The following AAMDC variants were observed in gnomAD, a reference collection of about 807,000 sequenced individuals.
AAMDC encodes mth938 domain-containing protein.
In AAMDC, 16 loss-of-function variants were observed where a neutral mutation model predicts 15.5. The observed-to-expected ratio is 1.03, with a 90% CI of 0.70 to 1.57. The LOEUF (loss-of-function observed/expected upper bound fraction) is 1.57, where lower values mean the gene tolerates loss of function less well. Ranked by LOEUF, AAMDC falls within the 40% of genes most tolerant of loss-of-function variation. The pLI, the probability that AAMDC is intolerant of heterozygous loss-of-function variation, is 0.00. For missense variants in AAMDC, 141 were observed against 144.9 expected, an observed-to-expected ratio of 0.97 and a Z score of 0.14; for synonymous variants, 51 against 51.6, an observed-to-expected ratio of 0.99 and a Z score of 0.05.
chr11:77,879,204 T>C, intron 5 of AAMDC: 1 of 1,510,382 alleles, frequency 6.6e-7, no homozygotes, highest in Admixed American at 1.9e-5. Context: ...GTTAAAGAAA[T>C]ATCAAAATGG....
intron 2 of AAMDC, among the ~76,000 whole-genome samples, chr11:77,854,921 C>A (rs1245822731): frequency 6.6e-6 from 1 of 152,232 alleles, no homozygotes; most frequent in Non-Finnish European, 1.5e-5. Context: ...CATACATCCT[C>A]TAAAAACTAG....
At chr11:77,896,859 G>A (rs1414140076) in intron 5 of AAMDC, among the ~76,000 whole-genome samples, 4 of 149,508 alleles carry the variant, frequency 2.7e-5, no homozygotes, top group East Asian at 1.9e-4. Flanking sequence ...AACTCCCACC[G>A]AAGATCAGCA....
intron 2 of AAMDC, chr11:77,868,799 C>T (rs1182871045): frequency 8.5e-6 from 2 of 233,994 alleles, no homozygotes; most frequent in East Asian, 1.1e-4. Context: ...CTGGGTGTAG[C>T]AGGCTGGCGC....
intron 1 of AAMDC, among the ~76,000 whole-genome samples, chr11:77,823,214 CAAAAAAAAAA>C: frequency 1.1e-5 from 1 of 92,734 alleles, no homozygotes; most frequent in East Asian, 3.0e-4. Flanking sequence ...GACTCCGTCT[CAAAAAAAAAA>C]AAAAAAAAAA....
downstream of AAMDC, chr11:77,877,114 C>T (rs1951619896): frequency 1.4e-6 from 1 of 690,546 alleles, no homozygotes; most frequent in South Asian, 1.5e-5. Context: ...CTCTTTCGCA[C>T]TCATGACCTC....
chr11:77,869,108 A>G (rs1951273962), intron 2 of AAMDC: 1 of 270,576 alleles, frequency 3.7e-6, no homozygotes, highest in Non-Finnish European at 7.2e-6. Flanking sequence ...CACATGTACC[A>G]TGTGGCCAAA....
At chr11:77,857,792 G>A (rs981985341) in intron 2 of AAMDC, among the ~76,000 whole-genome samples, 11 of 151,720 alleles carry the variant, frequency 7.3e-5, no homozygotes, top group African/African-American at 2.7e-4. Context: ...CACCTCCCAG[G>A]TTCAAGTGAT....
intron 2 of AAMDC, among the ~76,000 whole-genome samples, chr11:77,864,054 G>A (rs1279760997): frequency 6.6e-6 from 1 of 151,628 alleles, no homozygotes; most frequent in African/African-American, 2.4e-5. Flanking sequence ...AGCCTCCTGA[G>A]TAGCTGGGAT....
In AAMDC at chr11:77,905,861, A is replaced by T. The variant is rs534214824; in HGVS notation, c.229-12200A>T. Among the ~76,000 whole-genome samples the T allele has an allele frequency of 2.8e-4, 43 of 152,320 alleles. No homozygotes were observed. The South Asian group carries it at 7.5e-3, about 26-fold the overall frequency. On this transcript the variant is annotated intron_variant, in intron 3 of 3. Coordinates refer to the AAMDC transcript ENST00000532481. ...ACCAATTTCTTTATAAATATGGCTCATCTGCTCATAACTGTTAGACCCACC... is the reference window on the plus strand; with the variant it reads ...ACCAATTTCTTTATAAATATGGCTCTTCTGCTCATAACTGTTAGACCCACC...
intron 5 of AAMDC, among the ~76,000 whole-genome samples, chr11:77,899,150 G>T (rs1418797664): frequency 6.6e-6 from 1 of 152,102 alleles, no homozygotes; most frequent in East Asian, 1.9e-4. Context: ...CTGAGGCCAA[G>T]AATTGTTAAG....
At chr11:77,866,323 C>A (rs1367492802) in intron 2 of AAMDC, 2 of 152,074 alleles carry the variant, frequency 1.3e-5, no homozygotes, top group Non-Finnish European at 2.9e-5. Flanking sequence ...GACAGAAAGC[C>A]TCTTAAAGTA....
chr11:77,897,055 A>G (rs72939456), intron 5 of AAMDC, among the ~76,000 whole-genome samples: 19,332 of 151,938 alleles, frequency 0.13, 1,443 homozygotes, highest in Admixed American at 0.19. Context: ...CTATGAACCT[A>G]TTCTGGTGTG....
chr11:77,858,252 T>A (rs1950714684), intron 2 of AAMDC, among the ~76,000 whole-genome samples: 1 of 149,126 alleles, frequency 6.7e-6, no homozygotes, highest in African/African-American at 2.5e-5. Flanking sequence ...TGGAGTGCAG[T>A]TGTGCAATCT....
At chr11:77,883,946 A>G in intron 5 of AAMDC, 1 of 1,613,008 alleles carries the variant, frequency 6.2e-7, no homozygotes, top group East Asian at 2.2e-5. Context: ...CCATCTGGAT[A>G]TAAGACCTAA....
chr11:77,884,092 C>T (rs1413148584), intron 5 of AAMDC: 1 of 768,210 alleles, frequency 1.3e-6, no homozygotes, highest in Non-Finnish European at 2.1e-6. Flanking sequence ...GGGGGTAGGT[C>T]AACACTGTAG....
intron 2 of AAMDC, among the ~76,000 whole-genome samples, chr11:77,856,546 A>T (rs182502630): frequency 1.3e-5 from 2 of 152,192 alleles, no homozygotes; most frequent in African/African-American, 4.8e-5. Flanking sequence ...GAGACTGGAT[A>T]GTTTCTAGAG....
intron 5 of AAMDC, among the ~76,000 whole-genome samples, chr11:77,895,765 T>C (rs1952490572): frequency 6.6e-6 from 1 of 151,844 alleles, no homozygotes; most frequent in Non-Finnish European, 1.5e-5. Context: ...TTGGAGAGAC[T>C]CCAGGAAGTA....
chr11:77,834,178 G>A (rs949262836), intron 1 of AAMDC, among the ~76,000 whole-genome samples: 2 of 152,062 alleles, frequency 1.3e-5, no homozygotes, highest in Non-Finnish European at 2.9e-5. Flanking sequence ...CTAATTCAAT[G>A]AATAAAATGT....
intron 5 of AAMDC, among the ~76,000 whole-genome samples, chr11:77,889,052 T>C (rs944877840): frequency 6.6e-6 from 1 of 152,226 alleles, no homozygotes; most frequent in African/African-American, 2.4e-5. Context: ...AAATACCATT[T>C]GACCCAGTCA....
Sources: gnomAD v4.1 joint callset for allele counts (sites outside exome capture counted in the v4.1 genomes callset) on GRCh38, gnomAD v4.1.1 for gene constraint, MANE v1.5 for transcripts, NCBI Gene and HGNC (gene_info 2026-07-23, HGNC 2026-07-21) for gene names.